BCHE: variants seen among roughly 807,000 people sequenced by gnomAD.
BCHE encodes the protein cholinesterase.
Under a neutral mutation model 51.3 loss-of-function variants are expected in BCHE, and 48 were observed. The ratio of observed to expected loss-of-function variants is 0.94; its 90% CI spans 0.74 to 1.19. The LOEUF (loss-of-function observed/expected upper bound fraction) is 1.19. Ranked by LOEUF, BCHE falls within the 50% of genes most tolerant of loss-of-function variation. The pLI is 0.00. For missense variants in BCHE, 847 were observed against 708.2 expected, an observed-to-expected ratio of 1.20 and a Z score of -2.23; for synonymous variants, 251 against 238.0, an observed-to-expected ratio of 1.05 and a Z score of -0.50.
chr3:165,789,154 C>T (rs1205178726), intron 2 of BCHE, among the ~76,000 whole-genome samples: 2 of 152,084 alleles, frequency 1.3e-5, no homozygotes, highest in African/African-American at 4.8e-5. Context: ...CTAAAACTTT[C>T]CATGAAGTTG....
At chr3:165,817,675 C>T (rs1169330283) in intron 2 of BCHE, among the ~76,000 whole-genome samples, 2 of 151,922 alleles carry the variant, frequency 1.3e-5, no homozygotes, top group Non-Finnish European at 1.5e-5. Context: ...TTTACGTGAC[C>T]GCCTTACAAA....
chr3:165,815,870 C>T (rs1714295464), intron 2 of BCHE, among the ~76,000 whole-genome samples: 2 of 151,958 alleles, frequency 1.3e-5, no homozygotes, highest in Non-Finnish European at 2.9e-5. Flanking sequence ...AATATTTTGT[C>T]ACTACTTATA....
chr3:165,780,521 T>G (rs1104453), intron 3 of BCHE, among the ~76,000 whole-genome samples: 144,176 of 152,236 alleles, frequency 0.95, 68,339 homozygotes, highest in Non-Finnish European at 0.97. Context: ...TCTGACAAAG[T>G]TCTAATATCC....
In BCHE at chr3:165,786,150, A is replaced by G; in HGVS notation, c.1679T>C (p.Met560Thr). The change falls in exon 3 of 4, where the codon ATG becomes ACG. Residue 560 changes from methionine to threonine, a missense_variant. Coordinates refer to ENST00000264381, the MANE Select transcript of BCHE (RefSeq NM_000055.4). Reference sequence around the variant, plus strand: ...AACACTAAAAACAGACACACCTGTCATTTCCAAGACTTTTGGAAAAAATGA... The same window carrying G: ...AACACTAAAAACAGACACACCTGTCGTTTCCAAGACTTTTGGAAAAAATGA... ...WTSFFPKVLEMTGNIDEAEWE... is the reference protein window; with the variant it reads ...WTSFFPKVLETTGNIDEAEWE... 1 of 1,611,588 alleles carries G rather than the reference A, an allele frequency of 6.2e-7. No homozygotes were observed.
In BCHE at chr3:165,829,881, A is replaced by G. The variant is rs1304287525; in HGVS notation, c.1153T>C (p.Phe385Leu). 3 of 1,611,632 alleles carry G rather than the reference A, an allele frequency of 1.9e-6. No individual in the cohort carries two copies. Among genetic ancestry groups the G allele is most frequent in the Non-Finnish European group, 8.5e-7 (1 of 1,179,348 alleles). The change falls in exon 2 of 4, where the codon TTT becomes CTT. Residue 385 changes from phenylalanine (F) to leucine (L), a missense_variant. By Grantham distance (22) the Phe-to-Leu change is conservative. Coordinates refer to ENST00000264381, the MANE Select transcript of BCHE (RefSeq NM_000055.4). ...RKEFQEGLKI[F>L]FPGVSEFGKE... ...CCAAACTCACTCACTCCTGGAAAAA[A>G]TATTTTTAAACCTTCCTGAAATTCT...
At chr3:165,823,702 C>T (rs1285358626) in intron 2 of BCHE, among the ~76,000 whole-genome samples, 1 of 152,002 alleles carries the variant, frequency 6.6e-6, no homozygotes, top group Non-Finnish European at 1.5e-5. Context: ...TATTTAAAGA[C>T]TTAAATAATC....
At chr3:165,797,112 C>G in intron 2 of BCHE, among the ~76,000 whole-genome samples, 1 of 150,918 alleles carries the variant, frequency 6.6e-6, no homozygotes, top group African/African-American at 2.4e-5. Context: ...CTTTCCCTTC[C>G]TTCCTTCTTT....
At chr3:165,780,240 A>T (rs973138023) in intron 3 of BCHE, among the ~76,000 whole-genome samples, 1 of 152,202 alleles carries the variant, frequency 6.6e-6, no homozygotes, top group Non-Finnish European at 1.5e-5. Context: ...CCTTCCTTAC[A>T]CTTTATACAA....
chr3:165,830,071 G>A lies in BCHE; in HGVS notation c.963C>T (p.Thr321=), dbSNP rs780873168. The A allele has an allele frequency of 3.7e-6, 6 of 1,613,428 alleles. No individual in the cohort carries two copies. The highest frequency in any genetic ancestry group is 1.1e-5 in the South Asian group (1 of 91,038). ...TGTCAGTGAGAAAATCACCATCCAC[G>A]GTCGGACCAAAGTTTACTGACAAAG... ...GTPLSVNFGP[T]VDGDFLTDMP... is the part of the protein sequence containing the mutation. The change falls in exon 2 of 4, where the codon ACC becomes ACT. Residue 321 remains threonine, a synonymous_variant. Transcript: ENST00000264381.
At chr3:165,785,297 G>C (rs1360443679) in intron 3 of BCHE, among the ~76,000 whole-genome samples, 1 of 151,800 alleles carries the variant, frequency 6.6e-6, no homozygotes, top group Non-Finnish European at 1.5e-5. Context: ...CAATATGTCT[G>C]ATGGCTGAAA....
intron 3 of BCHE, among the ~76,000 whole-genome samples, chr3:165,776,722 G>A (rs1712486310): frequency 6.6e-6 from 1 of 151,480 alleles, no homozygotes. Flanking sequence ...GAACATAATG[G>A]AAAGACTACC....
chr3:165,833,045 TG>T (rs1715048555), intron 1 of BCHE, among the ~76,000 whole-genome samples: 1 of 152,128 alleles, frequency 6.6e-6, no homozygotes, highest in Non-Finnish European at 1.5e-5. Context: ...AATATTCATA[TG>T]TATATGCATA....
intron 3 of BCHE, among the ~76,000 whole-genome samples, chr3:165,777,084 A>C (rs1252314324): frequency 4.0e-5 from 6 of 151,898 alleles, no homozygotes; most frequent in Non-Finnish European, 7.4e-5. Context: ...CCAAAAAATA[A>C]ATGAGTAAAT....
intron 2 of BCHE, among the ~76,000 whole-genome samples, chr3:165,812,630 G>T (rs1311035707): frequency 6.6e-6 from 1 of 151,714 alleles, no homozygotes; most frequent in Non-Finnish European, 1.5e-5. Context: ...ATAAAAAAAA[G>T]AATTAAATAT....
At chr3:165,791,826 T>C (rs1429839144) in intron 2 of BCHE, among the ~76,000 whole-genome samples, 1 of 152,064 alleles carries the variant, frequency 6.6e-6, no homozygotes, top group Non-Finnish European at 1.5e-5. Context: ...ATCATGCCTG[T>C]GATCCCAGCT....
chr3:165,790,997 A>G (rs551330584), intron 2 of BCHE, among the ~76,000 whole-genome samples: 79 of 152,224 alleles, frequency 5.2e-4, no homozygotes, highest in African/African-American at 1.8e-3. Flanking sequence ...GAGGGTTTGC[A>G]CAAAGAAAGA....
intron 3 of BCHE, among the ~76,000 whole-genome samples, chr3:165,780,967 T>C (rs1363605331): frequency 6.6e-6 from 1 of 152,028 alleles, no homozygotes; most frequent in Non-Finnish European, 1.5e-5. Flanking sequence ...CACAACTAGG[T>C]GCAGTGGCTC....
chr3:165,818,151 ATTG>A (rs945513919), intron 2 of BCHE, among the ~76,000 whole-genome samples: 65 of 152,070 alleles, frequency 4.3e-4, no homozygotes, highest in African/African-American at 1.4e-4. Context: ...CTACAGGTAA[ATTG>A]TTATGATCAA....
In BCHE at chr3:165,803,411, A is replaced by G. The variant is rs139890135; in HGVS notation, c.1518-17100T>C. Among the ~76,000 whole-genome samples, 77 of 152,314 alleles carry G rather than the reference A, an allele frequency of 5.1e-4. 4 individuals carry two copies. In the East Asian group the frequency reaches 0.011, roughly 23 times the overall value. On this transcript the variant is annotated intron_variant, in intron 2 of 3. Coordinates refer to ENST00000264381, the MANE Select transcript of BCHE (RefSeq NM_000055.4). ...ACTTGCTTAATTCTGCAGTACAGAC[A>G]CTAAGAAATTTAGTATGCACTTCTA...
Sources: allele counts gnomAD v4.1 joint callset (sites outside exome capture counted in the v4.1 genomes callset), GRCh38; gene constraint gnomAD v4.1.1; transcripts MANE v1.5; gene names NCBI Gene and HGNC (gene_info 2026-07-23, HGNC 2026-07-21).